The following MARCO variants were observed in gnomAD, a reference collection of about 807,000 sequenced individuals.
MARCO encodes the protein macrophage receptor with collagenous structure.
MARCO carries 72 observed loss-of-function variants against 70.0 expected under a neutral mutation model. That is an observed-to-expected ratio of 1.03 (90% CI 0.85 to 1.25). The LOEUF is 1.25. Ranked by LOEUF, MARCO falls within the 50% of genes most tolerant of loss-of-function variation. The pLI is 0.00. For missense variants in MARCO, 696 were observed against 659.3 expected, an observed-to-expected ratio of 1.06 and a Z score of -0.61; for synonymous variants, 273 against 243.1, an observed-to-expected ratio of 1.12 and a Z score of -1.14.
chr2:118,970,204 T>G lies in MARCO; in HGVS notation c.290T>G (p.Leu97Arg). 1.2e-6 allele frequency: 2 copies of G among 1,614,138 alleles called. No individual in the cohort carries two copies. Among genetic ancestry groups the G allele is most frequent in the South Asian group, 2.2e-5 (2 of 91,084 alleles). Reference protein sequence around the residue: ...AAEDSPSFSLLQSAHPGEHLA... With the variant: ...AAEDSPSFSLRQSAHPGEHLA... ...GAGGACAGCCCGTCCTTCTCCTTGC[T>G]GCAGTCAGCACACCCTGGAGAACAC... Residue 97 changes from leucine (L) to arginine (R), a missense_variant, in exon 3 of 17, where the codon CTG (leucine) becomes CGG (arginine). This residue lies in a region of MARCO where 605 missense variants were observed against 537.6 expected (regional missense o/e 1.13). Transcript: ENST00000327097.
chr2:118,986,650 A>AAAGAAAGAAAG (rs1558671604), intron 12 of MARCO, among the ~76,000 whole-genome samples: 1 of 50,432 alleles, frequency 2.0e-5, no homozygotes, highest in Non-Finnish European at 3.6e-5. Flanking sequence ...AGAAAGAAAG[A>AAAGAAAGAAAG]AAGAAGGAAG....
intron 1 of MARCO, among the ~76,000 whole-genome samples, chr2:118,954,640 A>C (rs530100057): frequency 2.1e-4 from 32 of 152,278 alleles, no homozygotes; most frequent in East Asian, 3.9e-4. Flanking sequence ...AAACCACCAA[A>C]GCTAAGGACC....
At chr2:118,989,312 C>G (rs1427770028) in intron 12 of MARCO, among the ~76,000 whole-genome samples, 2 of 152,152 alleles carry the variant, frequency 1.3e-5, no homozygotes, top group Non-Finnish European at 2.9e-5. Context: ...TCTAAGGCAC[C>G]TCCAGCTCTT....
At chr2:118,971,418 C>A in intron 3 of MARCO, 81 bp from the exon 4 acceptor site, 1 of 1,396,828 alleles carries the variant, frequency 7.2e-7, no homozygotes, top group Non-Finnish European at 1.0e-6. Flanking sequence ...CCTCCCACTG[C>A]AGAACCTGGG....
intron 6 of MARCO, 88 bp from the exon 7 acceptor site, chr2:118,977,383 A>G (rs1666584087): frequency 1.8e-6 from 2 of 1,109,602 alleles, no homozygotes; most frequent in African/African-American, 3.1e-5. Flanking sequence ...ACCTTGCTCA[A>G]CTAAGGGAAT....
intron 1 of MARCO, among the ~76,000 whole-genome samples, chr2:118,967,304 G>A (rs1452880547): frequency 6.6e-6 from 1 of 152,178 alleles, no homozygotes; most frequent in Non-Finnish European, 1.5e-5. Context: ...GTATTCAGGG[G>A]ACACACATTG....
chr2:118,994,381 A>G lies in MARCO; in HGVS notation c.1430-6A>G, dbSNP rs756116754. On this transcript the variant is annotated splice_region_variant and splice_polypyrimidine_tract_variant and intron_variant, in intron 16 of 16. Transcript: ENST00000327097. ...TTCCTCTGTCTCTTGCTTTCTCTCT[A>G]TCAAGGCACTGGGCAGATCTGGCTG... The G allele has an allele frequency of 5.6e-6, 9 of 1,613,902 alleles. No individual in the cohort carries two copies. Among genetic ancestry groups the G allele is most frequent in the South Asian group, 1.1e-5 (1 of 91,064 alleles).
intron 13 of MARCO, 48 bp downstream of exon 13, chr2:118,990,681 G>C (rs182893982): frequency 1.9e-6 from 3 of 1,580,844 alleles, no homozygotes; most frequent in Non-Finnish European, 2.6e-6. Context: ...GACGGGGAAG[G>C]CCTGCCTTCT....
At chr2:118,966,699 T>C (rs1323939667) in intron 1 of MARCO, among the ~76,000 whole-genome samples, 1 of 152,214 alleles carries the variant, frequency 6.6e-6, no homozygotes, top group Non-Finnish European at 1.5e-5. Flanking sequence ...TATCTGTATT[T>C]TCCATGCTTG....
chr2:118,982,466 G>T (rs1680413402), intron 12 of MARCO, 56 bp downstream of exon 12: 2 of 1,539,510 alleles, frequency 1.3e-6, no homozygotes, highest in African/African-American at 2.7e-5. Context: ...AGGATGGATG[G>T]AGAGAAAAAC....
In MARCO at chr2:118,970,199, C is replaced by G. The variant is rs1395016502; in HGVS notation, c.285C>G (p.Ser95=). The change falls in exon 3 of 17, where the codon TCC becomes TCG. Residue 95 remains serine, a synonymous_variant. Transcript: ENST00000327097. ...TLAAEDSPSF[S]LLQSAHPGEH... ...CGGCTGAGGACAGCCCGTCCTTCTCCTTGCTGCAGTCAGCACACCCTGGAG... is the reference window on the plus strand; with the variant it reads ...CGGCTGAGGACAGCCCGTCCTTCTCGTTGCTGCAGTCAGCACACCCTGGAG... The G allele has an allele frequency of 9.3e-6, 15 of 1,614,044 alleles. No homozygotes were observed. The highest frequency in any genetic ancestry group is 1.3e-5 in the Non-Finnish European group (15 of 1,180,036).
intron 1 of MARCO, chr2:118,949,669 G>A (rs944361077): frequency 6.6e-6 from 1 of 152,114 alleles, no homozygotes; most frequent in Non-Finnish European, 1.5e-5. Context: ...GCTTTCCTTA[G>A]CTTTAATTTG....
chr2:118,992,337 C>A, intron 14 of MARCO, 95 bp from the exon 15 acceptor site: 2 of 1,024,564 alleles, frequency 2.0e-6, no homozygotes, highest in South Asian at 1.3e-5. Context: ...TCTGACCACT[C>A]CCAACCCTCC....
intron 12 of MARCO, among the ~76,000 whole-genome samples, chr2:118,986,681 G>A (rs1287126510): frequency 4.7e-5 from 2 of 42,758 alleles, no homozygotes; most frequent in African/African-American, 2.1e-4. Flanking sequence ...AGGAAAGAAA[G>A]AAAGAAAGAA....
At chr2:118,975,035 G>A (rs559717651) in intron 6 of MARCO, among the ~76,000 whole-genome samples, 1 of 152,210 alleles carries the variant, frequency 6.6e-6, no homozygotes, top group African/African-American at 2.4e-5. Context: ...GCAGAGGGCT[G>A]CCAGGGGGAT....
intron 4 of MARCO, among the ~76,000 whole-genome samples, chr2:118,972,151 G>A (rs1001575874): frequency 6.6e-6 from 1 of 152,172 alleles, no homozygotes; most frequent in Non-Finnish European, 1.5e-5. Context: ...AGGACTCAAG[G>A]GAGTGCAAAA....
chr2:118,951,373 G>A (rs1679719531), intron 1 of MARCO, among the ~76,000 whole-genome samples: 1 of 152,238 alleles, frequency 6.6e-6, no homozygotes, highest in South Asian at 2.1e-4. Context: ...TTTTCTAACA[G>A]AATAGCCGCA....
chr2:118,954,720 G>A (rs12992514), intron 1 of MARCO, among the ~76,000 whole-genome samples: 8 of 152,102 alleles, frequency 5.3e-5, no homozygotes, highest in Admixed American at 6.5e-5. Context: ...CTAAGAGGCC[G>A]TTAGTTGGTT....
At chr2:118,950,264 G>C (rs1049060107) in intron 1 of MARCO, among the ~76,000 whole-genome samples, 2 of 152,058 alleles carry the variant, frequency 1.3e-5, no homozygotes, top group African/African-American at 4.8e-5. Flanking sequence ...GATTTTTATA[G>C]ACTGTTTTTA....
Sources: gnomAD v4.1 joint callset for allele counts (sites outside exome capture counted in the v4.1 genomes callset) on GRCh38, gnomAD v4.1.1 for gene constraint, gnomAD v4.1.1 regional missense constraint, MANE v1.5 for transcripts, NCBI Gene and HGNC (gene_info 2026-07-23, HGNC 2026-07-21) for gene names.